The following DNAH11 variants were observed in gnomAD, a reference collection of about 807,000 sequenced individuals.
DNAH11 encodes axonemal beta dynein heavy chain 11.
DNAH11 carries 442 observed loss-of-function variants against 526.0 expected under a neutral mutation model. That is an observed-to-expected ratio of 0.84 (90% CI 0.78 to 0.91). The LOEUF (loss-of-function observed/expected upper bound fraction) is 0.91. Among genes scored for constraint, DNAH11 ranks in the 40% least tolerant of loss-of-function variants. The pLI is 0.00. For synonymous variants in DNAH11, 2,461 were observed against 1,935.9 expected (o/e 1.27, Z -7.12); for missense variants, 6,989 against 5,448.7 (o/e 1.28, Z -8.90).
At chr7:21,609,416 C>T (rs959761434) in intron 20 of DNAH11, among the ~76,000 whole-genome samples, 9 of 152,198 alleles carry the variant, frequency 5.9e-5, no homozygotes, top group East Asian at 1.9e-4. Flanking sequence ...GACAGGGTTT[C>T]GCCATGTTGG....
chr7:21,583,336 G>T (rs1003366316), intron 9 of DNAH11, among the ~76,000 whole-genome samples: 3 of 152,184 alleles, frequency 2.0e-5, no homozygotes, highest in African/African-American at 7.2e-5. Flanking sequence ...AAGCAATGGG[G>T]AAAGGATTCC....
At position 21,718,679 on chromosome 7, in the gene DNAH11, C is replaced by T. The variant is rs150051000; in HGVS notation, c.7134+754C>T. Among the ~76,000 whole-genome samples the T allele has an allele frequency of 7.2e-5, 11 of 152,222 alleles. No individual in the cohort carries two copies. The East Asian group carries it at 2.1e-3, about 29-fold the overall frequency. On this transcript the variant is annotated intron_variant, in intron 43 of 81. Transcript: ENST00000409508. The stretch of plus-strand genomic sequence containing the variant: ...AGCATGAAGAAAAACTATCCCCAGC[C>T]CTTAGAAGTAGAAGACTTCATGAAA...
At chr7:21,558,151 GA>G (rs1462241880) in intron 2 of DNAH11, among the ~76,000 whole-genome samples, 1 of 152,068 alleles carries the variant, frequency 6.6e-6, no homozygotes, top group Non-Finnish European at 1.5e-5. Context: ...TCAGAAAAAT[GA>G]AAAAATGTTT....
At chr7:21,579,904 G>A (rs1242484062) in intron 8 of DNAH11, among the ~76,000 whole-genome samples, 2 of 152,174 alleles carry the variant, frequency 1.3e-5, no homozygotes, top group Non-Finnish European at 1.5e-5. Context: ...TGGACCAAGG[G>A]CATCCTGGAG....
At chr7:21,564,160 C>A in intron 5 of DNAH11, 26 bp from the exon 6 acceptor site, 6 of 1,476,858 alleles carry the variant, frequency 4.1e-6, no homozygotes, top group South Asian at 1.4e-5. Context: ...ACCAGAATCA[C>A]GTTAATGGTG....
chr7:21,546,930 A>G (rs984311560), intron 2 of DNAH11, among the ~76,000 whole-genome samples: 4 of 152,240 alleles, frequency 2.6e-5, no homozygotes, highest in Non-Finnish European at 4.4e-5. Context: ...CAGTTTGAAA[A>G]GAGAAACAGA....
chr7:21,572,919 A>C, intron 8 of DNAH11, among the ~76,000 whole-genome samples: 1 of 152,164 alleles, frequency 6.6e-6, no homozygotes, highest in Non-Finnish European at 1.5e-5. Flanking sequence ...AAAGCCTTGT[A>C]AGATGCCTGG....
At chr7:21,617,425 A>G (rs1433132008) in intron 22 of DNAH11, among the ~76,000 whole-genome samples, 194 bp from the exon 23 acceptor site, 1 of 152,214 alleles carries the variant, frequency 6.6e-6, no homozygotes, top group Non-Finnish European at 1.5e-5. Flanking sequence ...AGTGGCTTGT[A>G]CGGAGTGGGC....
At position 21,818,237 on chromosome 7, in the gene DNAH11, C is replaced by A; in HGVS notation, c.10589C>A (p.Thr3530Asn). The change falls in exon 65 of 82, where the codon ACT becomes AAT. Residue 3530 changes from threonine (T) to asparagine (N), a missense_variant. Thr to Asn is a moderately conservative substitution (Grantham distance 65). Coordinates refer to ENST00000409508, the MANE Select transcript of DNAH11 (RefSeq NM_001277115.2). ...TTAAGGTTTTTGAATGCCATTGAAA[C>A]TGCTTTGGCCTTTGGTGATGTCATC... is the stretch of plus-strand genomic sequence containing the variant. The part of the protein sequence containing the change: ...GQKGFLNAIE[T>N]ALAFGDVILI... The A allele has an allele frequency of 6.2e-7, 1 of 1,611,598 alleles. No individual in the cohort carries two copies. The highest frequency in any genetic ancestry group is 8.5e-7 in the Non-Finnish European group (1 of 1,178,870).
intron 6 of DNAH11, among the ~76,000 whole-genome samples, chr7:21,566,801 G>A (rs1294008542): frequency 6.6e-6 from 1 of 152,012 alleles, no homozygotes; most frequent in South Asian, 2.1e-4. Flanking sequence ...CATTGGAAAT[G>A]GTTCTGGAGT....
intron 75 of DNAH11, among the ~76,000 whole-genome samples, chr7:21,882,096 A>C (rs7785658): frequency 1.9e-4 from 29 of 152,162 alleles, no homozygotes; most frequent in Non-Finnish European, 3.8e-4. Flanking sequence ...ACTTTTATTC[A>C]TGTCCTTCAT....
At chr7:21,714,595 A>G (rs976590789) in intron 42 of DNAH11, among the ~76,000 whole-genome samples, 3 of 152,108 alleles carry the variant, frequency 2.0e-5, no homozygotes, top group African/African-American at 4.8e-5. Flanking sequence ...TATTAACCCA[A>G]TTTTCCAAGC....
chr7:21,897,896 T>C (rs1784582098), intron 79 of DNAH11, among the ~76,000 whole-genome samples: 1 of 152,196 alleles, frequency 6.6e-6, no homozygotes, highest in Non-Finnish European at 1.5e-5. Flanking sequence ...GGATTACAGA[T>C]GTGAGCCACC....
chr7:21,821,688 A>G (rs571501011), intron 65 of DNAH11, among the ~76,000 whole-genome samples: 1 of 152,162 alleles, frequency 6.6e-6, no homozygotes, highest in Non-Finnish European at 1.5e-5. Context: ...ACCACGTCAA[A>G]CACTTTTCTT....
In DNAH11 at chr7:21,717,835, T is replaced by G; in HGVS notation, c.7044T>G (p.Ile2348Met). ...AATCAGAAAAGGCCAATTTGACTAT[T>G]CTTTTTGATAAATATGTCCCTGCAT... Reference protein sequence around the residue: ...RHQSEKANLTILFDKYVPACL... With the variant: ...RHQSEKANLTMLFDKYVPACL... The change falls in exon 43 of 82, where the codon ATT becomes ATG. Residue 2348 changes from isoleucine (I) to methionine (M), a missense_variant. Coordinates refer to ENST00000409508, the MANE Select transcript of DNAH11 (RefSeq NM_001277115.2). The G allele has an allele frequency of 1.2e-6, 2 of 1,613,932 alleles. No homozygotes were observed. The highest frequency in any genetic ancestry group is 2.2e-5 in the South Asian group (2 of 91,080).
At chr7:21,569,979 AT>A in intron 6 of DNAH11, 89 bp from the exon 7 acceptor site, 1 of 1,087,092 alleles carries the variant, frequency 9.2e-7, no homozygotes, top group Non-Finnish European at 1.3e-6. Context: ...AGATACTGGC[AT>A]TTAAAAATGA....
chr7:21,750,085 A>T (rs1340069446), intron 53 of DNAH11, 137 bp from the exon 54 acceptor site: 1 of 1,219,296 alleles, frequency 8.2e-7, no homozygotes, highest in Non-Finnish European at 1.1e-6. Context: ...ATAAAAAAGA[A>T]ACATGACGTT....
chr7:21,844,695 C>T (rs1426853328), intron 66 of DNAH11, among the ~76,000 whole-genome samples: 1 of 152,190 alleles, frequency 6.6e-6, no homozygotes, highest in African/African-American at 2.4e-5. Flanking sequence ...TATCTGGCCA[C>T]ACCCCAGATC....
In DNAH11 at chr7:21,676,417, T is replaced by C. The variant is rs1362252419; in HGVS notation, c.5329-5129T>C. On this transcript the variant is annotated intron_variant, in intron 30 of 81. Transcript: ENST00000409508. ...ATAAACTTATATACAAGTACAGTAC[T>C]GACCATAATGATTGCTATCTCTTGC... is the stretch of plus-strand genomic sequence containing the variant. Among the ~76,000 whole-genome samples the C allele has an allele frequency of 2.0e-5, 3 of 152,338 alleles. No individual in the cohort carries two copies. In the East Asian group the frequency reaches 5.8e-4, roughly 29 times the overall value.
Sources: allele counts gnomAD v4.1 joint callset (sites outside exome capture counted in the v4.1 genomes callset), GRCh38; gene constraint gnomAD v4.1.1; transcripts MANE v1.5; gene names NCBI Gene and HGNC (gene_info 2026-07-23, HGNC 2026-07-21).